Variants in EFHC1 observed in about 807,000 individuals in gnomAD.
EFHC1 encodes the protein EF-hand domain-containing protein 1.
A neutral mutation model predicts 69.9 loss-of-function variants in EFHC1; 53 were observed. The observed-to-expected ratio is 0.76, with a 90% CI of 0.61 to 0.95. The LOEUF (loss-of-function observed/expected upper bound fraction) is 0.95, where lower values mean the gene tolerates loss of function less well. Among genes scored for constraint, EFHC1 ranks in the 40% least tolerant of loss-of-function variants. The pLI is 0.00. For missense variants in EFHC1, 739 were observed against 798.7 expected (o/e 0.93, Z 0.90); for synonymous variants, 256 against 278.4 (o/e 0.92, Z 0.80).
chr6:52,474,120 T>C (rs989227951), intron 7 of EFHC1, among the ~76,000 whole-genome samples: 1 of 152,106 alleles, frequency 6.6e-6, no homozygotes, highest in African/African-American at 2.4e-5. Flanking sequence ...CCCTATGTCA[T>C]AGGGCAACAT....
chr6:52,427,155 T>A (rs1214215720), intron 2 of EFHC1, among the ~76,000 whole-genome samples: 1 of 152,198 alleles, frequency 6.6e-6, no homozygotes, highest in Non-Finnish European at 1.5e-5. Flanking sequence ...ATAAATTTAT[T>A]TTCCACAGAG....
intron 5 of EFHC1, among the ~76,000 whole-genome samples, chr6:52,457,685 A>G (rs1263641025): frequency 1.3e-5 from 2 of 152,238 alleles, no homozygotes; most frequent in Admixed American, 1.3e-4. Flanking sequence ...CTTTTGACTT[A>G]ACAAAAGCTT....
chr6:52,475,400 CAT>C (rs1481304870), intron 7 of EFHC1, among the ~76,000 whole-genome samples: 1 of 152,172 alleles, frequency 6.6e-6, no homozygotes, highest in Non-Finnish European at 1.5e-5. Context: ...GAGAAAATAA[CAT>C]GTACTAAATC....
rs189110125 is a variant in EFHC1 at position 52,479,600 on chromosome 6, G to A, written c.1493-40G>A. 271 of 1,614,036 alleles carry A rather than the reference G, an allele frequency of 1.7e-4. No individual in the cohort carries two copies. In the East Asian group the frequency reaches 5.5e-3, roughly 33 times the overall value. ...CTATTTTACTCCTGATTGCGTGAGA[G>A]AACATCACCAAGCTAAGTGTGTTGC... On this transcript the variant is annotated intron_variant, in intron 8 of 10. Coordinates refer to ENST00000371068, the MANE Select transcript of EFHC1 (RefSeq NM_018100.4).
intron 2 of EFHC1, among the ~76,000 whole-genome samples, chr6:52,434,822 G>C (rs1025746020): frequency 6.6e-6 from 1 of 152,022 alleles, no homozygotes; most frequent in African/African-American, 2.4e-5. Context: ...AAATAGATAA[G>C]TGCCTTTTAA....
chr6:52,460,676 T>C (rs1447841357), intron 5 of EFHC1, among the ~76,000 whole-genome samples: 2 of 152,154 alleles, frequency 1.3e-5, no homozygotes. Context: ...CTGACTTCTG[T>C]AGCAACAGTG....
Position 52,420,393 on chromosome 6 carries a change from G to GC in EFHC1, c.-17dup. ...AGGACGAAGCAGGACCTAGGTGGCG[G>GC]CGGTGGTACCGGCTGCAATGGTGTC... is the stretch of plus-strand genomic sequence containing the variant. On this transcript the variant is annotated 5_prime_UTR_variant, in exon 1 of 11. Transcript: ENST00000371068. 5.0e-6 allele frequency: 8 copies of GC among 1,614,250 alleles called. No individual in the cohort carries two copies. The highest frequency in any genetic ancestry group is 6.8e-6 in the Non-Finnish European group (8 of 1,180,052).
chr6:52,468,638 G>A (rs1441611065), intron 6 of EFHC1: 1 of 153,132 alleles, frequency 6.5e-6, no homozygotes, highest in Admixed American at 6.5e-5. Flanking sequence ...CCACCACTTT[G>A]CAGTTTCTGC....
rs1483715594 is a variant in EFHC1, at chr6:52,494,642, C to T, written c.*2301C>T. The T allele has an allele frequency of 4.4e-6, 2 of 453,886 alleles. No homozygotes were observed. Among genetic ancestry groups the T allele is most frequent in the East Asian group, 6.9e-5 (1 of 14,410 alleles). 28.1% of individuals were successfully genotyped at this position (453,886 alleles called of 1,614,324 possible). ...AGGTTTGTTACATGAGTATATTGCACCCAGGTAGTGAGCATAGTGCCCAGT... is the reference window on the plus strand; with the variant it reads ...AGGTTTGTTACATGAGTATATTGCATCCAGGTAGTGAGCATAGTGCCCAGT... On this transcript the variant is annotated 3_prime_UTR_variant, in exon 11 of 11. Coordinates refer to ENST00000371068, the MANE Select transcript of EFHC1 (RefSeq NM_018100.4).
chr6:52,454,256 G>T lies in EFHC1; in HGVS notation c.885G>T (p.Gln295His). The T allele has an allele frequency of 2.5e-6, 4 of 1,614,162 alleles. No individual in the cohort carries two copies. Among genetic ancestry groups the T allele is most frequent in the Non-Finnish European group, 3.4e-6 (4 of 1,180,018 alleles). ...CTTTCCCACTCCTAATGAACCGCCA[G>T]CGTGTGCCCAAAGTTTTGGTGGAAA... ...RDPFPLLMNRQRVPKVLVENA... is the reference protein window; with the variant it reads ...RDPFPLLMNRHRVPKVLVENA... Residue 295 changes from glutamine to histidine, a missense_variant, in exon 5 of 11, where the codon CAG becomes CAT. By Grantham distance (24) the Gln-to-His change is conservative. Transcript: ENST00000371068.
At chr6:52,456,157 T>A (rs893012292) in intron 5 of EFHC1, among the ~76,000 whole-genome samples, 23 of 152,214 alleles carry the variant, frequency 1.5e-4, no homozygotes, top group Middle Eastern at 3.4e-3. Context: ...TATATTTTTT[T>A]AAAAAAATGA....
intron 9 of EFHC1, chr6:52,488,387 A>C (rs961967476): frequency 6.6e-6 from 1 of 152,250 alleles, no homozygotes; most frequent in African/African-American, 2.4e-5. Context: ...GTAACACATG[A>C]CCAGAATTTG....
At chr6:52,439,162 T>G (rs943520734) in intron 3 of EFHC1, among the ~76,000 whole-genome samples, 25 of 152,316 alleles carry the variant, frequency 1.6e-4, no homozygotes, top group African/African-American at 5.8e-4. Context: ...AAGGAAACTT[T>G]TATTAAAGTT....
chr6:52,465,002 T>A lies in EFHC1; in HGVS notation c.1024T>A (p.Phe342Ile). ...GTCACTCACTATCCTTGGGAGAACT[T>A]TCTTCATTTATGATTGTGATCCATT... ...GKSLTILGRT[F>I]FIYDCDPFTR... The change falls in exon 6 of 11, where the codon TTC (phenylalanine) becomes ATC (isoleucine). Residue 342 changes from phenylalanine (F) to isoleucine (I), a missense_variant. By Grantham distance (21) the Phe-to-Ile change is conservative. Coordinates refer to ENST00000371068, the MANE Select transcript of EFHC1 (RefSeq NM_018100.4). The A allele has an allele frequency of 3.7e-6, 6 of 1,614,206 alleles. No individual in the cohort carries two copies. Among genetic ancestry groups the A allele is most frequent in the South Asian group, 1.1e-5 (1 of 91,086 alleles).
intron 4 of EFHC1, chr6:52,453,090 T>G: frequency 1.4e-6 from 2 of 1,467,052 alleles, no homozygotes; most frequent in Non-Finnish European, 9.0e-7. Flanking sequence ...AACATTTAAA[T>G]CTCAAAGCAA....
In EFHC1 at chr6:52,453,045, C is replaced by T. The variant is rs60035516; in HGVS notation, c.723+208C>T. The T allele has an allele frequency of 7.5e-4, 1,138 of 1,515,224 alleles. 11 individuals are homozygous for T. In the African/African-American group the frequency reaches 0.013, roughly 18 times the overall value. 93.9% of individuals were successfully genotyped at this position (1,515,224 alleles called of 1,614,324 possible). A position where few individuals can be genotyped will look rare whatever the true frequency, so the allele number is the denominator to read the frequency against. On this transcript the variant is annotated intron_variant, in intron 4 of 10. Transcript: ENST00000371068. Reference sequence around the variant, plus strand: ...TTTCATATGGAGATCCAAAGAAGATCGTGGAGTTGCGGAGTTGTTTTGTGA... The same window carrying T: ...TTTCATATGGAGATCCAAAGAAGATTGTGGAGTTGCGGAGTTGTTTTGTGA...
At chr6:52,441,848 T>C (rs997404635) in intron 3 of EFHC1, among the ~76,000 whole-genome samples, 1 of 152,204 alleles carries the variant, frequency 6.6e-6, no homozygotes, top group African/African-American at 2.4e-5. Context: ...AGGTATCTTA[T>C]TCTTTTTGTG....
chr6:52,490,645 G>A (rs762659569), intron 10 of EFHC1: 17 of 572,264 alleles, frequency 3.0e-5, no homozygotes, highest in Admixed American at 1.9e-4. Flanking sequence ...AGGAGGGGTG[G>A]CTACCAAGGG....
intron 9 of EFHC1, chr6:52,484,248 G>C (rs966863041): frequency 8.5e-5 from 13 of 152,098 alleles, no homozygotes; most frequent in Admixed American, 8.5e-4. Flanking sequence ...CGGGTCTTGA[G>C]ACACCTTTAT....
Sources: allele counts gnomAD v4.1 joint callset (sites outside exome capture counted in the v4.1 genomes callset), GRCh38; gene constraint gnomAD v4.1.1; transcripts MANE v1.5; gene names NCBI Gene and HGNC (gene_info 2026-07-23, HGNC 2026-07-21).